Variants in TMPRSS6 observed in about 807,000 individuals in gnomAD.
The protein encoded by TMPRSS6 is transmembrane protease serine 6.
TMPRSS6 carries 67 observed loss-of-function variants against 101.5 expected under a neutral mutation model. That is an observed-to-expected ratio of 0.66 (90% confidence interval 0.54 to 0.81). The LOEUF (loss-of-function observed/expected upper bound fraction) is 0.81, where lower values mean the gene tolerates loss of function less well. Among genes scored for constraint, TMPRSS6 ranks in the 30% least tolerant of loss-of-function variants. TMPRSS6 has a pLI of 0.00. For missense variants in TMPRSS6, 1,034 were observed against 1,088.7 expected (o/e 0.95, Z 0.71); for synonymous variants, 453 against 464.9 (o/e 0.97, Z 0.33).
chr22:37,072,536 T>C (rs1437596371), intron 13 of TMPRSS6, among the ~76,000 whole-genome samples: 4 of 138,952 alleles, frequency 2.9e-5, no homozygotes, highest in Admixed American at 1.5e-4. Flanking sequence ...GATGAATGGA[T>C]GGATGATGGA....
At chr22:37,086,561 G>T in intron 7 of TMPRSS6, 142 bp from the exon 8 acceptor site, 1 of 853,438 alleles carries the variant, frequency 1.2e-6, no homozygotes, top group Non-Finnish European at 1.9e-6. Context: ...AGAGACCACT[G>T]TGTGTCTGTG....
At chr22:37,084,230 T>C in intron 10 of TMPRSS6, 65 bp downstream of exon 10, 2 of 1,380,566 alleles carry the variant, frequency 1.4e-6, no homozygotes, top group Non-Finnish European at 2.0e-6. Flanking sequence ...GGGGTCACTA[T>C]TGAGGAGGGA....
chr22:37,079,013 G>GA lies in TMPRSS6; in HGVS notation c.1197-3734dup, dbSNP rs1555888507. ...AGAAAGAAAGAAAGAAAGAAAGAAA[G>GA]AAAGAGAAAGAGAGAAAGAAAGAAA... On this transcript the variant is annotated intron_variant, in intron 10 of 17. Transcript: ENST00000676104. Among the ~76,000 whole-genome samples, 16 of 151,818 alleles carry GA rather than the reference G, an allele frequency of 1.1e-4. No individual in the cohort carries two copies. The Middle Eastern group carries it at 0.01, about 98-fold the overall frequency.
At chr22:37,091,978 G>C (rs982692124) in intron 6 of TMPRSS6, among the ~76,000 whole-genome samples, 1 of 152,226 alleles carries the variant, frequency 6.6e-6, no homozygotes, top group Non-Finnish European at 1.5e-5. Context: ...CCTAGGGAAG[G>C]GACAGGGCCT....
chr22:37,106,496 T>G (rs1332857937), intron 1 of TMPRSS6, among the ~76,000 whole-genome samples: 1 of 152,080 alleles, frequency 6.6e-6, no homozygotes, highest in Non-Finnish European at 1.5e-5. Context: ...GAGAGGCTCA[T>G]TTTCAGGACA....
chr22:37,095,629 C>CAAAAAAAAAAAAAAGAAA, intron 5 of TMPRSS6, 37 bp from the exon 6 acceptor site: 1 of 1,176,570 alleles, frequency 8.5e-7, no homozygotes, highest in Non-Finnish European at 1.1e-6. Flanking sequence ...TAAACAAGAA[C>CAAAAAAAAAAAAAAGAAA]AAAAAAAAAA....
chr22:37,099,766 A>G (rs1930136848), intron 2 of TMPRSS6, among the ~76,000 whole-genome samples: 1 of 151,448 alleles, frequency 6.6e-6, no homozygotes, highest in South Asian at 2.1e-4. Flanking sequence ...ACATCTGTGG[A>G]AAGAATGTCC....
intron 10 of TMPRSS6, among the ~76,000 whole-genome samples, chr22:37,077,752 G>A (rs1259925487): frequency 6.6e-6 from 1 of 152,128 alleles, no homozygotes; most frequent in Non-Finnish European, 1.5e-5. Context: ...AATGTGTAAT[G>A]GGCTTATAAT....
In TMPRSS6 at chr22:37,071,123, C is replaced by G; in HGVS notation, c.1556-91G>C. 2.1e-5 allele frequency: 24 copies of G among 1,151,132 alleles called. No homozygotes were observed. In the South Asian group the frequency reaches 2.8e-4, roughly 13 times the overall value. The allele number at this position is 1,151,132 out of a possible 1,614,324, so 71.3% of individuals were successfully genotyped here. A position where few individuals can be genotyped will look rare whatever the true frequency, so the allele number is the denominator to read the frequency against. On this transcript the variant is annotated intron_variant, in intron 13 of 17. Coordinates refer to ENST00000676104, the MANE Select transcript of TMPRSS6 (RefSeq NM_001374504.1). ...AAGTGGGGTGCAGGAACGATGGAGC[C>G]AGAAGAGCCAGGAGGTGACTAGAGA...
chr22:37,103,531 T>C lies in TMPRSS6; in HGVS notation c.-1-113A>G, dbSNP rs1601578351. 1.2e-6 allele frequency: 2 copies of C among 1,613,678 alleles called. No homozygotes were observed. The highest frequency in any genetic ancestry group is 1.7e-6 in the Non-Finnish European group (2 of 1,179,934). ...TTCCCTGCCTTTTGGAGTGGAAGAG[T>C]AACAACATCAGGCGGCAGTGACTGC... On this transcript the variant is annotated intron_variant, in intron 1 of 17. Transcript: ENST00000676104. This position sits in a 1 kb window ranked among gnomAD's most constrained non-coding sequence, Gnocchi z 4.4.
chr22:37,102,979 G>A (rs4140589), intron 2 of TMPRSS6, among the ~76,000 whole-genome samples: 54,414 of 151,764 alleles, frequency 0.36, 10,225 homozygotes, highest in Non-Finnish European at 0.4. Flanking sequence ...GAGCTTTGGG[G>A]CACTTTGCCC....
intron 13 of TMPRSS6, among the ~76,000 whole-genome samples, chr22:37,072,896 G>C (rs1235354986): frequency 2.7e-5 from 4 of 150,028 alleles, no homozygotes; most frequent in African/African-American, 4.9e-5. Flanking sequence ...TGGATGAATG[G>C]ATGGATGGAT....
intron 7 of TMPRSS6, among the ~76,000 whole-genome samples, chr22:37,088,476 G>A (rs894403455): frequency 1.3e-5 from 2 of 152,108 alleles, no homozygotes; most frequent in Non-Finnish European, 2.9e-5. Flanking sequence ...ATAAACAATC[G>A]CTGAGAACTG....
chr22:37,076,423 C>T (rs1172982826), intron 10 of TMPRSS6, among the ~76,000 whole-genome samples: 3 of 152,214 alleles, frequency 2.0e-5, no homozygotes, highest in Admixed American at 6.5e-5. Flanking sequence ...TGGACAACAC[C>T]GCCCCTGCAC....
At chr22:37,097,944 G>C (rs1929953485) in intron 3 of TMPRSS6, among the ~76,000 whole-genome samples, 4 of 106,370 alleles carry the variant, frequency 3.8e-5, no homozygotes, top group African/African-American at 1.4e-4. Flanking sequence ...GGGGAGGAGA[G>C]GGCCACCGTC....
rs187823039 is a variant in TMPRSS6 at position 37,100,859 on chromosome 22, G to A, written c.203-2310C>T. On this transcript the variant is annotated intron_variant, in intron 2 of 17. Coordinates refer to ENST00000676104, the MANE Select transcript of TMPRSS6 (RefSeq NM_001374504.1). ...ACCCATCAGCAGGGACACAGAAAAA[G>A]CAACCTGCTGAGCGGAAAGGACCCG... Among the ~76,000 whole-genome samples, 294 of 152,334 alleles carry A rather than the reference G, an allele frequency of 1.9e-3. 1 individual carries two copies. The highest frequency in any genetic ancestry group is 6.7e-3 in the African/African-American group (278 of 41,582).
At chr22:37,072,201 A>C (rs973677928) in intron 13 of TMPRSS6, among the ~76,000 whole-genome samples, 55 of 128,050 alleles carry the variant, frequency 4.3e-4, no homozygotes, top group Admixed American at 6.8e-4. Flanking sequence ...TGATGGATGA[A>C]TGGATGGATG....
intron 16 of TMPRSS6, among the ~76,000 whole-genome samples, 183 bp from the exon 17 acceptor site, chr22:37,067,145 T>C (rs1926377349): frequency 6.6e-6 from 1 of 152,210 alleles, no homozygotes; most frequent in South Asian, 2.1e-4. Flanking sequence ...GCTCTTTCTC[T>C]GTGGGGTTCA....
rs367600955 is a variant in TMPRSS6, at chr22:37,068,117, TG to T, written c.2113+955del. Among the ~76,000 whole-genome samples the T allele has an allele frequency of 1.2e-3, 180 of 152,290 alleles. 4 individuals carry two copies. The South Asian group carries it at 0.036, about 31-fold the overall frequency. Reference sequence around the variant, plus strand: ...CACTGTTCCTGCATCTCCCCATCCATGTCAGCTCTTACCACTGTCTGTCTCC... The same window carrying T: ...CACTGTTCCTGCATCTCCCCATCCATTCAGCTCTTACCACTGTCTGTCTCC... On this transcript the variant is annotated intron_variant, in intron 16 of 17. Coordinates refer to ENST00000676104, the MANE Select transcript of TMPRSS6 (RefSeq NM_001374504.1).
Sources: allele counts gnomAD v4.1 joint callset (sites outside exome capture counted in the v4.1 genomes callset), GRCh38; gene constraint gnomAD v4.1.1; non-coding constraint Gnocchi (gnomAD v3.1); transcripts MANE v1.5; gene names NCBI Gene and HGNC (gene_info 2026-07-23, HGNC 2026-07-21).